The following SPON1 variants were observed in gnomAD, a reference collection of about 807,000 sequenced individuals.
SPON1 encodes spondin-1.
In SPON1, 52 loss-of-function variants were observed where a neutral mutation model predicts 111.7. The ratio of observed to expected loss-of-function variants is 0.47; its 90% CI spans 0.37 to 0.59. SPON1 has a LOEUF of 0.59. Among genes scored for constraint, SPON1 ranks in the 20% least tolerant of loss-of-function variants. The pLI, the probability that SPON1 is intolerant of heterozygous loss-of-function variation, is 0.00. For synonymous variants in SPON1, 410 were observed against 395.8 expected (o/e 1.04, Z -0.43); for missense variants, 957 against 1,068.5 (o/e 0.90, Z 1.46).
intron 5 of SPON1, among the ~76,000 whole-genome samples, chr11:14,083,421 T>C (rs75304243): frequency 0.021 from 3,179 of 152,316 alleles, 115 homozygotes; most frequent in African/African-American, 0.071. Flanking sequence ...TGGATAATCT[T>C]TGATCCTACA....
At chr11:14,208,971 T>C (rs546921247) in intron 6 of SPON1, among the ~76,000 whole-genome samples, 12 of 152,360 alleles carry the variant, frequency 7.9e-5, no homozygotes, top group African/African-American at 2.9e-4. Context: ...TTTGTTTGCC[T>C]CATAAGTGTT....
intron 6 of SPON1, among the ~76,000 whole-genome samples, chr11:14,243,126 G>T (rs1246660538): frequency 1.3e-5 from 2 of 152,186 alleles, no homozygotes; most frequent in African/African-American, 2.4e-5. Context: ...CAGTGTCCAG[G>T]ACATACCTGG....
intron 5 of SPON1, among the ~76,000 whole-genome samples, chr11:14,102,942 A>G (rs1849155249): frequency 6.6e-6 from 1 of 152,204 alleles, no homozygotes; most frequent in South Asian, 2.1e-4. Flanking sequence ...CATCTGTTGC[A>G]ATAAGCTGCT....
intron 5 of SPON1, among the ~76,000 whole-genome samples, chr11:14,124,186 TCACACA>T (rs147701989): frequency 6.7e-6 from 1 of 149,984 alleles, no homozygotes; most frequent in African/African-American, 2.4e-5. Context: ...ACACACACAC[TCACACA>T]CACACACACA....
intron 6 of SPON1, among the ~76,000 whole-genome samples, chr11:14,186,957 A>G (rs782321387): frequency 5.3e-5 from 8 of 152,220 alleles, no homozygotes; most frequent in Non-Finnish European, 1.0e-4. Flanking sequence ...TTGCATTGCT[A>G]TAAAGGAATA....
chr11:14,224,710 TG>T (rs782488556), intron 6 of SPON1: 1 of 489,244 alleles, frequency 2.0e-6, no homozygotes. Flanking sequence ...ATGAGGATGG[TG>T]GTGGCTGGCA....
At chr11:14,175,085 A>C (rs895688689) in intron 6 of SPON1, among the ~76,000 whole-genome samples, 3 of 152,224 alleles carry the variant, frequency 2.0e-5, no homozygotes, top group Non-Finnish European at 4.4e-5. Context: ...TACACAAATA[A>C]CAAACCAGAA....
intron 2 of SPON1, among the ~76,000 whole-genome samples, chr11:13,993,826 C>T (rs1164669007): frequency 7.2e-5 from 11 of 152,204 alleles, no homozygotes; most frequent in Non-Finnish European, 1.6e-4. Flanking sequence ...ATTTTAAGCA[C>T]AGCATTTGCA....
intron 14 of SPON1, among the ~76,000 whole-genome samples, chr11:14,261,718 C>T (rs1383586942): frequency 6.6e-6 from 1 of 152,154 alleles, no homozygotes; most frequent in Non-Finnish European, 1.5e-5. Context: ...GGCCAGCTCA[C>T]CAGAGTTGGG....
chr11:14,120,118 G>A (rs76184683), intron 5 of SPON1, among the ~76,000 whole-genome samples: 3,342 of 152,182 alleles, frequency 0.022, 124 homozygotes, highest in African/African-American at 0.075. Context: ...GGCCCTGGGT[G>A]AGTCATTTAA....
chr11:14,160,971 A>ATATATTTATATATG (rs1554931138), intron 6 of SPON1, among the ~76,000 whole-genome samples: 662 of 36,318 alleles, frequency 0.018, 14 homozygotes, highest in South Asian at 0.032. Context: ...ATTTATATAT[A>ATATATTTATATATG]TTTTTATATA....
chr11:13,979,828 T>C (rs1848130518), intron 1 of SPON1, among the ~76,000 whole-genome samples: 1 of 152,196 alleles, frequency 6.6e-6, no homozygotes, highest in Non-Finnish European at 1.5e-5. Context: ...TGTTACTTTG[T>C]CCTCTGTTCC....
intron 5 of SPON1, among the ~76,000 whole-genome samples, chr11:14,101,963 T>A (rs1438175860): frequency 3.3e-5 from 5 of 152,208 alleles, no homozygotes; most frequent in Non-Finnish European, 5.9e-5. Context: ...ACATTTCCTT[T>A]ATCATTCTCT....
At chr11:14,261,714 C>A (rs782553345) in intron 14 of SPON1, among the ~76,000 whole-genome samples, 1 of 152,176 alleles carries the variant, frequency 6.6e-6, no homozygotes. Context: ...TTCAGGCCAG[C>A]TCACCAGAGT....
chr11:14,160,391 T>TTATATATATATTTA (rs1256657801), intron 6 of SPON1, among the ~76,000 whole-genome samples: 10 of 36,036 alleles, frequency 2.8e-4, no homozygotes, highest in East Asian at 2.0e-3. Flanking sequence ...TACATTATTT[T>TTATATATATATTTA]TATATATATA....
chr11:14,031,342 A>G (rs1275927865), intron 2 of SPON1, among the ~76,000 whole-genome samples: 1 of 152,222 alleles, frequency 6.6e-6, no homozygotes, highest in Non-Finnish European at 1.5e-5. Flanking sequence ...AAAGGATGCT[A>G]TAACTTTTGT....
chr11:14,156,198 A>T (rs1564917740), intron 6 of SPON1, among the ~76,000 whole-genome samples: 2 of 136,810 alleles, frequency 1.5e-5, no homozygotes, highest in South Asian at 5.0e-4. Context: ...AACTGGTGTG[A>T]GATAGTATCT....
chr11:14,151,763 A>G (rs970336861), intron 6 of SPON1, among the ~76,000 whole-genome samples: 3 of 152,228 alleles, frequency 2.0e-5, no homozygotes, highest in African/African-American at 7.2e-5. Context: ...TTTCTTTAAC[A>G]TAGAAATATA....
chr11:14,117,550 T>C (rs1421966774), intron 5 of SPON1, among the ~76,000 whole-genome samples: 1 of 152,206 alleles, frequency 6.6e-6, no homozygotes, highest in Non-Finnish European at 1.5e-5. Context: ...TATAGCATAC[T>C]TTTTCTAATT....
Sources: allele counts gnomAD v4.1 joint callset (sites outside exome capture counted in the v4.1 genomes callset), GRCh38; gene constraint gnomAD v4.1.1; transcripts MANE v1.5; gene names NCBI Gene and HGNC (gene_info 2026-07-23, HGNC 2026-07-21).